ARHGAP6: variants seen among roughly 807,000 people sequenced by gnomAD.
ARHGAP6 encodes Rho GTPase activating protein 6.
In ARHGAP6, 16 loss-of-function variants were observed where a neutral mutation model predicts 55.7. The observed-to-expected ratio is 0.29, with a 90% CI of 0.19 to 0.44. ARHGAP6 has a LOEUF of 0.44. ARHGAP6 is among the 20% of genes least tolerant of loss of function. The pLI, the probability that ARHGAP6 is intolerant of heterozygous loss-of-function variation, is 1.00. For missense variants in ARHGAP6, 698 were observed against 808.9 expected (o/e 0.86, Z 1.66); for synonymous variants, 382 against 360.9 (o/e 1.06, Z -0.66).
In ARHGAP6 at chrX:11,596,054, G is replaced by A. The variant is rs141980648; in HGVS notation, c.588+68187C>T. On this transcript the variant is annotated intron_variant, in intron 1 of 12. Coordinates refer to ENST00000337414, the MANE Select transcript of ARHGAP6 (RefSeq NM_013427.3). ...CTAGAACTAGAAACACCATTTCACC[G>A]AGCAATCCCATTACAGGGTATGTAC... 9.2e-3 allele frequency among the ~76,000 whole-genome samples: 1,025 copies of A among 111,788 alleles called. 8 individuals carry two copies. The highest frequency in any genetic ancestry group is 0.016 in the Non-Finnish European group (835 of 53,057).
At position 11,280,745 on chromosome X, in the gene ARHGAP6, CA is replaced by C. The variant is rs59290872; in HGVS notation, c.589-26039del. Among the ~76,000 whole-genome samples the C allele has an allele frequency of 5.4e-3, 287 of 53,004 alleles. 1 individual carries two copies. Among genetic ancestry groups the C allele is most frequent in the East Asian group, 0.014 (19 of 1,328 alleles). 46.0% of individuals were successfully genotyped at this position (53,004 alleles called of 115,157 possible). A position where few individuals can be genotyped will look rare whatever the true frequency, so the allele number is the denominator to read the frequency against. ...TGGGCGACAGAGCAAGACCTTGTCT[CA>C]AAAAAAAAAAAAAAAAAAATCAAAA... On this transcript the variant is annotated intron_variant, in intron 1 of 12. Coordinates refer to ENST00000337414, the MANE Select transcript of ARHGAP6 (RefSeq NM_013427.3).
At chrX:11,523,578 CAGTT>C (rs761570954) in intron 1 of ARHGAP6, among the ~76,000 whole-genome samples, 4 of 111,853 alleles carry the variant, frequency 3.6e-5, no homozygotes, top group Admixed American at 2.9e-4. Flanking sequence ...TTTTCTTTAA[CAGTT>C]AGAGAATTCC....
chrX:11,264,519 T>A (rs1217542682), intron 1 of ARHGAP6, among the ~76,000 whole-genome samples: 3 of 111,860 alleles, frequency 2.7e-5, no homozygotes, highest in Non-Finnish European at 5.6e-5. Flanking sequence ...TTCTGTGTAG[T>A]CCCAGTTGAA....
At chrX:11,461,888 T>C (rs2050249135) in intron 1 of ARHGAP6, among the ~76,000 whole-genome samples, 1 of 111,631 alleles carries the variant, frequency 9.0e-6, no homozygotes, top group African/African-American at 3.3e-5. Context: ...ATATCAGATC[T>C]GACCAGAGAC....
At chrX:11,649,864 T>C (rs2052566548) in intron 1 of ARHGAP6, among the ~76,000 whole-genome samples, 1 of 111,947 alleles carries the variant, frequency 8.9e-6, no homozygotes, top group Non-Finnish European at 1.9e-5. Context: ...GAAGTCTTTT[T>C]AAATAAAATG....
chrX:11,648,600 A>G (rs902116648), intron 1 of ARHGAP6, among the ~76,000 whole-genome samples: 2 of 112,078 alleles, frequency 1.8e-5, no homozygotes, highest in East Asian at 2.8e-4. Flanking sequence ...ATACTTCTAC[A>G]TGACCCCTTA....
chrX:11,163,399 C>T (rs2045976226), intron 9 of ARHGAP6, among the ~76,000 whole-genome samples: 1 of 111,650 alleles, frequency 9.0e-6, no homozygotes, highest in Admixed American at 9.5e-5. Flanking sequence ...TGAGTTTTCT[C>T]CATTTACTAA....
intron 1 of ARHGAP6, among the ~76,000 whole-genome samples, chrX:11,520,165 A>G (rs1835379064): frequency 1.3e-5 from 1 of 76,008 alleles, no homozygotes; most frequent in Non-Finnish European, 2.5e-5. Flanking sequence ...ATATATATAT[A>G]TATATATATA....
intron 10 of ARHGAP6, among the ~76,000 whole-genome samples, chrX:11,152,846 T>C (rs901090704): frequency 1.8e-5 from 2 of 112,207 alleles, no homozygotes; most frequent in African/African-American, 6.5e-5. Context: ...ATTAAAATCA[T>C]GCAAGAGACT....
intron 1 of ARHGAP6, among the ~76,000 whole-genome samples, chrX:11,531,402 GT>G (rs1191126239): frequency 4.5e-5 from 5 of 111,065 alleles, no homozygotes; most frequent in Non-Finnish European, 5.7e-5. Flanking sequence ...AGTTTACATT[GT>G]TTTTAGAGTG....
intron 1 of ARHGAP6, among the ~76,000 whole-genome samples, chrX:11,616,215 C>A (rs2052162086): frequency 9.0e-6 from 1 of 111,541 alleles, no homozygotes; most frequent in Non-Finnish European, 1.9e-5. Flanking sequence ...TCCTTTGACC[C>A]TCTCCAAAAT....
At chrX:11,174,623 TTTTCTTTCTTTC>T (rs55966871) in intron 8 of ARHGAP6, among the ~76,000 whole-genome samples, 4,405 of 46,555 alleles carry the variant, frequency 0.095, 306 homozygotes, top group African/African-American at 0.11. Flanking sequence ...TTTCTCTTTC[TTTTCTTTCTTTC>T]TTTCTTTCTT....
chrX:11,434,670 C>T (rs940409487), intron 1 of ARHGAP6, among the ~76,000 whole-genome samples: 1 of 111,480 alleles, frequency 9.0e-6, no homozygotes, highest in African/African-American at 3.3e-5. Flanking sequence ...CCCCTCCCCC[C>T]GCCAACTAAT....
At chrX:11,354,910 T>G (rs761157493) in intron 1 of ARHGAP6, among the ~76,000 whole-genome samples, 1 of 111,697 alleles carries the variant, frequency 9.0e-6, no homozygotes, top group African/African-American at 3.2e-5. Flanking sequence ...CATAATATAA[T>G]AGAAGAGAGA....
chrX:11,355,796 G>C (rs747715604), intron 1 of ARHGAP6, among the ~76,000 whole-genome samples: 17 of 111,564 alleles, frequency 1.5e-4, no homozygotes, highest in East Asian at 1.4e-3. Context: ...GGAGGGCTTC[G>C]TTAGAGGAGA....
At chrX:11,496,489 C>A (rs760740191) in intron 1 of ARHGAP6, among the ~76,000 whole-genome samples, 1 of 111,848 alleles carries the variant, frequency 8.9e-6, no homozygotes, top group South Asian at 3.7e-4. Context: ...GAGGGACATT[C>A]ACAAAATTAT....
chrX:11,539,189 C>T lies in ARHGAP6; in HGVS notation c.588+125052G>A, dbSNP rs190526784. Among the ~76,000 whole-genome samples, 6 of 111,544 alleles carry T rather than the reference C, an allele frequency of 5.4e-5. No homozygotes were observed. In the East Asian group the frequency reaches 1.7e-3, roughly 31 times the overall value. On this transcript the variant is annotated intron_variant, in intron 1 of 12. Transcript: ENST00000337414. ...TGCCTTTTAAAATGTTCAACAGCAT[C>T]CCTGGCCTCTACCCACTAGGTGTTA...
intron 10 of ARHGAP6, among the ~76,000 whole-genome samples, chrX:11,151,222 T>C (rs991798198): frequency 2.7e-5 from 3 of 110,767 alleles, no homozygotes; most frequent in Non-Finnish European, 3.8e-5. Flanking sequence ...TAAACATACC[T>C]GACAAGTATA....
At chrX:11,310,872 T>TC (rs760619582) in intron 1 of ARHGAP6, among the ~76,000 whole-genome samples, 7 of 111,999 alleles carry the variant, frequency 6.3e-5, no homozygotes, top group Non-Finnish European at 1.3e-4. Flanking sequence ...GAGTAGTGGC[T>TC]CCCTTCTCTC....
Sources: gnomAD v4.1 joint callset for allele counts (sites outside exome capture counted in the v4.1 genomes callset) on GRCh38, gnomAD v4.1.1 for gene constraint, MANE v1.5 for transcripts, NCBI Gene and HGNC (gene_info 2026-07-23, HGNC 2026-07-21) for gene names.